The following GALNTL6 variants were observed in gnomAD, a reference collection of about 807,000 sequenced individuals.
The protein encoded by GALNTL6 is polypeptide N-acetylgalactosaminyltransferase-like 6.
GALNTL6 carries 46 observed loss-of-function variants against 73.7 expected under a neutral mutation model. That is an observed-to-expected ratio of 0.62 (90% CI 0.49 to 0.80). GALNTL6 has a LOEUF of 0.80. Among genes scored for constraint, GALNTL6 ranks in the 30% least tolerant of loss-of-function variants. The pLI is 0.00. For synonymous variants in GALNTL6, 259 were observed against 263.7 expected, an observed-to-expected ratio of 0.98 and a Z score of 0.17; for missense variants, 604 against 755.0, an observed-to-expected ratio of 0.80 and a Z score of 2.34.
intron 2 of GALNTL6, among the ~76,000 whole-genome samples, chr4:172,020,331 G>A (rs1328680663): frequency 1.4e-5 from 2 of 147,342 alleles, no homozygotes; most frequent in East Asian, 3.9e-4. Flanking sequence ...AAATAAAATT[G>A]AAATGAAGAA....
At position 172,206,805 on chromosome 4, in the gene GALNTL6, GTTTTT is replaced by G. The variant is rs778156050; in HGVS notation, c.139-22847_139-22843del. Reference sequence around the variant, plus strand: ...TTGTTTTGTTTTGTTTTGTTTTTCTGTTTTTTTTGTTTGTTTTTTTTTTTTTTTTT... The same window carrying G: ...TTGTTTTGTTTTGTTTTGTTTTTCTGTTTGTTTGTTTTTTTTTTTTTTTTT... On this transcript the variant is annotated intron_variant, in intron 2 of 12. Transcript: ENST00000506823. Among the ~76,000 whole-genome samples the G allele has an allele frequency of 3.3e-3, 86 of 26,164 alleles. 9 individuals are homozygous for G. Among genetic ancestry groups the G allele is most frequent in the Admixed American group, 4.0e-3 (6 of 1,492 alleles). The allele number at this position is 26,164 out of a possible 152,430, so 17.2% of individuals were successfully genotyped here. A position where few individuals can be genotyped will look rare whatever the true frequency, so the allele number is the denominator to read the frequency against.
intron 5 of GALNTL6, among the ~76,000 whole-genome samples, chr4:172,624,683 A>T (rs938276156): frequency 8.5e-5 from 13 of 152,182 alleles, no homozygotes; most frequent in African/African-American, 1.9e-4. Context: ...ATGCAATTAG[A>T]TCATACAATG....
intron 3 of GALNTL6, among the ~76,000 whole-genome samples, chr4:172,261,922 A>G (rs1448268878): frequency 6.6e-6 from 1 of 151,044 alleles, no homozygotes; most frequent in Non-Finnish European, 1.5e-5. Context: ...ACCTGCTGTT[A>G]TGTATTTCTT....
intron 2 of GALNTL6, among the ~76,000 whole-genome samples, chr4:171,907,925 G>A (rs1419860617): frequency 2.0e-5 from 3 of 151,974 alleles, no homozygotes; most frequent in African/African-American, 7.3e-5. Context: ...ATGGTGCTGG[G>A]AAAACTGGCT....
intron 10 of GALNTL6, among the ~76,000 whole-genome samples, chr4:172,987,584 T>A (rs1163082081): frequency 6.6e-6 from 1 of 152,242 alleles, no homozygotes; most frequent in Admixed American, 6.5e-5. Context: ...TATATGGTGA[T>A]ATGATTTGGA....
chr4:172,669,885 A>G (rs1477568167), intron 5 of GALNTL6, among the ~76,000 whole-genome samples: 1 of 152,078 alleles, frequency 6.6e-6, no homozygotes, highest in Non-Finnish European at 1.5e-5. Flanking sequence ...TGTTCTCATC[A>G]TTTAGCTCCC....
At chr4:171,821,343 G>T (rs529578) in intron 2 of GALNTL6, among the ~76,000 whole-genome samples, 105,502 of 151,968 alleles carry the variant, frequency 0.69, 38,896 homozygotes, top group Admixed American at 0.83. Flanking sequence ...TCCCAGCCTT[G>T]TGCCCTTATT....
At chr4:172,997,002 T>C (rs1238040597) in intron 10 of GALNTL6, among the ~76,000 whole-genome samples, 1 of 152,182 alleles carries the variant, frequency 6.6e-6, no homozygotes, top group African/African-American at 2.4e-5. Context: ...TTCTTCAGTC[T>C]TGTATTTTGA....
intron 5 of GALNTL6, among the ~76,000 whole-genome samples, chr4:172,626,765 G>A (rs934921628): frequency 6.6e-6 from 1 of 152,002 alleles, no homozygotes; most frequent in Non-Finnish European, 1.5e-5. Flanking sequence ...ATTGTAAATG[G>A]CATTGCATTC....
intron 5 of GALNTL6, among the ~76,000 whole-genome samples, chr4:172,595,261 G>A (rs1378153033): frequency 6.6e-6 from 1 of 152,106 alleles, no homozygotes; most frequent in Admixed American, 6.6e-5. Context: ...AATATTACAA[G>A]GAGAGTGCTT....
intron 2 of GALNTL6, among the ~76,000 whole-genome samples, chr4:171,895,133 T>G (rs577796452): frequency 6.6e-6 from 1 of 152,310 alleles, no homozygotes; most frequent in Non-Finnish European, 1.5e-5. Flanking sequence ...CAACTAGACA[T>G]CTTTATAAGT....
intron 7 of GALNTL6, among the ~76,000 whole-genome samples, chr4:172,864,658 A>G (rs1026939910): frequency 2.0e-5 from 3 of 152,212 alleles, no homozygotes; most frequent in Non-Finnish European, 4.4e-5. Context: ...TGGGAAAGTG[A>G]TGATTAACAG....
At chr4:172,939,424 C>T (rs1033848691) in intron 9 of GALNTL6, among the ~76,000 whole-genome samples, 2 of 152,114 alleles carry the variant, frequency 1.3e-5, no homozygotes, top group African/African-American at 4.8e-5. Context: ...CTCTAAAAGT[C>T]AATCATAAAT....
chr4:172,110,175 T>C (rs989673444), intron 2 of GALNTL6, among the ~76,000 whole-genome samples: 3 of 152,216 alleles, frequency 2.0e-5, no homozygotes, highest in African/African-American at 7.2e-5. Context: ...TATAAAACCT[T>C]TTTTGAGCGA....
At chr4:172,396,099 A>G (rs569777004) in intron 5 of GALNTL6, among the ~76,000 whole-genome samples, 1 of 152,260 alleles carries the variant, frequency 6.6e-6, no homozygotes, top group East Asian at 1.9e-4. Context: ...TCCTGCCCTG[A>G]TAACCAAAAA....
chr4:171,962,458 T>C (rs332973), intron 2 of GALNTL6, among the ~76,000 whole-genome samples: 148,698 of 152,236 alleles, frequency 0.98, 72,719 homozygotes, highest in Middle Eastern at 1. Context: ...GTCGTCCTCA[T>C]TACTCATTAT....
At chr4:172,290,859 T>C (rs912084568) in intron 3 of GALNTL6, among the ~76,000 whole-genome samples, 2 of 151,238 alleles carry the variant, frequency 1.3e-5, no homozygotes, top group Non-Finnish European at 2.9e-5. Context: ...CACAAAGACC[T>C]TAAACCCAAA....
intron 2 of GALNTL6, among the ~76,000 whole-genome samples, chr4:172,174,805 C>A (rs983607837): frequency 4.6e-5 from 7 of 151,932 alleles, no homozygotes; most frequent in Non-Finnish European, 1.0e-4. Flanking sequence ...GATATGTACA[C>A]AAAATAATCA....
intron 5 of GALNTL6, among the ~76,000 whole-genome samples, chr4:172,699,617 G>T (rs1194680042): frequency 3.9e-5 from 6 of 152,160 alleles, no homozygotes; most frequent in African/African-American, 1.4e-4. Context: ...GAACAGAAAT[G>T]CCATAACCTC....
Sources: allele counts gnomAD v4.1 joint callset (sites outside exome capture counted in the v4.1 genomes callset), GRCh38; gene constraint gnomAD v4.1.1; transcripts MANE v1.5; gene names NCBI Gene and HGNC (gene_info 2026-07-23, HGNC 2026-07-21).